Variants in PKD1L1 observed in about 807,000 individuals in gnomAD.
PKD1L1 encodes the protein polycystin-1-like protein 1.
Under a neutral mutation model 323.4 loss-of-function variants are expected in PKD1L1, and 236 were observed. The ratio of observed to expected loss-of-function variants is 0.73; its 90% CI spans 0.66 to 0.81. The LOEUF (loss-of-function observed/expected upper bound fraction) is 0.81, where lower values mean the gene tolerates loss of function less well. Ranked by LOEUF, PKD1L1 falls within the 40% of genes least tolerant of loss-of-function variation. PKD1L1 has a pLI of 0.00. For synonymous variants in PKD1L1, 1,344 were observed against 1,335.0 expected, an observed-to-expected ratio of 1.01 and a Z score of -0.15; for missense variants, 3,320 against 3,508.0, an observed-to-expected ratio of 0.95 and a Z score of 1.35.
At chr7:47,844,029 C>G (rs530811150) in intron 33 of PKD1L1, among the ~76,000 whole-genome samples, 2 of 152,076 alleles carry the variant, frequency 1.3e-5, no homozygotes, top group African/African-American at 2.4e-5. Flanking sequence ...ACTCTGAAAC[C>G]TTTCGGATTC....
chr7:47,888,691 G>C (rs1379251807), intron 16 of PKD1L1, among the ~76,000 whole-genome samples: 4 of 152,222 alleles, frequency 2.6e-5, no homozygotes, highest in Admixed American at 6.5e-5. Context: ...CCCTGTGCAG[G>C]GTTGTGGGTC....
chr7:47,861,625 G>C (rs1429569307), intron 26 of PKD1L1, among the ~76,000 whole-genome samples: 1 of 152,290 alleles, frequency 6.6e-6, no homozygotes, highest in East Asian at 1.9e-4. Context: ...GCTCACGCCT[G>C]TAATCCCAGC....
chr7:47,904,260 T>C, intron 12 of PKD1L1, 118 bp downstream of exon 12: 1 of 1,372,232 alleles, frequency 7.3e-7, no homozygotes, highest in Non-Finnish European at 1.0e-6. Flanking sequence ...TGTGTAATCA[T>C]CTGTCACCTA....
At chr7:47,938,023 C>T (rs184981654) in intron 3 of PKD1L1, among the ~76,000 whole-genome samples, 59 of 152,216 alleles carry the variant, frequency 3.9e-4, no homozygotes, top group Non-Finnish European at 7.8e-4. Flanking sequence ...GACGCCTGTC[C>T]AGAGACAACG....
intron 56 of PKD1L1, among the ~76,000 whole-genome samples, chr7:47,778,868 C>G (rs976197511): frequency 6.6e-6 from 1 of 152,206 alleles, no homozygotes; most frequent in Admixed American, 6.5e-5. Context: ...GGACTTACTT[C>G]AAATGCAAGG....
chr7:47,816,563 G>C (rs764739818), intron 46 of PKD1L1, among the ~76,000 whole-genome samples: 1 of 152,166 alleles, frequency 6.6e-6, no homozygotes. Flanking sequence ...CTGAAGAATG[G>C]AAAGGATGGG....
rs377032242 is a variant in PKD1L1 at position 47,800,780 on chromosome 7, C to T, written c.8062G>A (p.Gly2688Arg). The T allele has an allele frequency of 5.0e-5, 81 of 1,613,846 alleles. No homozygotes were observed. Among genetic ancestry groups the T allele is most frequent in the Admixed American group, 1.3e-4 (8 of 59,976 alleles). The change falls in exon 54 of 57, where the codon GGG (glycine) becomes AGG (arginine). Residue 2688 changes from glycine to arginine, a missense_variant. Gly to Arg is a moderately radical substitution (Grantham distance 125). Coordinates refer to ENST00000289672, the MANE Select transcript of PKD1L1 (RefSeq NM_138295.5). ...CTTCTGGGAAAATGAAACAGCAGCC[C>T]GGGGAAGGCGTCTGTGAAGGTGCCA... Reference protein sequence around the residue: ...PPGTFTDAFPGLLFHFPRRSQ... With the variant: ...PPGTFTDAFPRLLFHFPRRSQ...
At chr7:47,897,934 G>C in intron 14 of PKD1L1, 54 bp downstream of exon 14, 6 of 1,409,446 alleles carry the variant, frequency 4.3e-6, no homozygotes, top group Non-Finnish European at 5.7e-6. Context: ...GCTCCAGGGC[G>C]ATGAGAAGCA....
intron 26 of PKD1L1, among the ~76,000 whole-genome samples, chr7:47,864,927 C>T (rs1048036145): frequency 1.3e-5 from 2 of 151,952 alleles, no homozygotes; most frequent in African/African-American, 4.8e-5. Flanking sequence ...AGGGTTTCAC[C>T]ATGTTGGTCA....
chr7:47,880,249 TATATATATATATATAC>T (rs1786510688), intron 21 of PKD1L1, among the ~76,000 whole-genome samples: 4 of 101,654 alleles, frequency 3.9e-5, no homozygotes, highest in South Asian at 3.2e-4. Context: ...ATAAATAAGA[TATATATATATATATAC>T]ATATATATAT....
chr7:47,856,947 A>G (rs916019796), intron 28 of PKD1L1, among the ~76,000 whole-genome samples: 1 of 152,150 alleles, frequency 6.6e-6, no homozygotes, highest in African/African-American at 2.4e-5. Context: ...TGCCCTTCCA[A>G]ACTCACTCAT....
At chr7:47,897,125 CA>C (rs1301833342) in intron 14 of PKD1L1, among the ~76,000 whole-genome samples, 1 of 152,202 alleles carries the variant, frequency 6.6e-6, no homozygotes, top group Admixed American at 6.5e-5. Context: ...GCAACTCCAG[CA>C]TTTGCCATCG....
intron 7 of PKD1L1, among the ~76,000 whole-genome samples, chr7:47,922,716 AGCCGCCCCGTCCGGCC>A (rs1169006728): frequency 7.4e-6 from 1 of 135,878 alleles, no homozygotes; most frequent in Non-Finnish European, 1.5e-5. Flanking sequence ...TCCGCCCGGC[AGCCGCCCCGTCCGGCC>A]AGCCGCCCCG....
chr7:47,782,386 C>T (rs1268129141), intron 56 of PKD1L1, among the ~76,000 whole-genome samples: 1 of 152,134 alleles, frequency 6.6e-6, no homozygotes, highest in South Asian at 2.1e-4. Flanking sequence ...CTGGCAAGCA[C>T]AAATCTCTGG....
At chr7:47,890,513 T>C in intron 16 of PKD1L1, 29 bp downstream of exon 16, 1 of 1,604,424 alleles carries the variant, frequency 6.2e-7, no homozygotes, top group Non-Finnish European at 8.5e-7. Context: ...ACCGGTGAGC[T>C]GAGCTGTGCT....
rs1363305255 is a variant in PKD1L1 at position 47,835,167 on chromosome 7, G to A, written c.6020C>T (p.Ala2007Val). 3.1e-6 allele frequency: 5 copies of A among 1,596,576 alleles called. No homozygotes were observed. The highest frequency in any genetic ancestry group is 4.3e-6 in the Non-Finnish European group (5 of 1,172,928). Residue 2007 changes from alanine to valine, a missense_variant, in exon 38 of 57, where the codon GCC becomes GTC. By Grantham distance (64) the Ala-to-Val change is moderately conservative (BLOSUM62 0). Coordinates refer to ENST00000289672, the MANE Select transcript of PKD1L1 (RefSeq NM_138295.5). ...LLCTLLASPG[A>V]QLLSLLFRLS... is the part of the protein sequence containing the mutation. ...CCTGAAGAGCAGGGACAAGAGCTGG[G>A]CCCCTGGAGAAGCCAGGAGGGTACA...
chr7:47,794,851 T>C (rs1266433030), intron 55 of PKD1L1, among the ~76,000 whole-genome samples: 1 of 152,234 alleles, frequency 6.6e-6, no homozygotes, highest in African/African-American at 2.4e-5. Context: ...ATTTTGGAGC[T>C]TTAAAATTTG....
chr7:47,862,853 G>C (rs543783110), intron 26 of PKD1L1, among the ~76,000 whole-genome samples: 1 of 152,152 alleles, frequency 6.6e-6, no homozygotes, highest in African/African-American at 2.4e-5. Context: ...AAGATGTTTA[G>C]CTTCTATTCC....
intron 36 of PKD1L1, among the ~76,000 whole-genome samples, chr7:47,838,878 A>G (rs1785509998): frequency 1.9e-5 from 2 of 105,752 alleles, no homozygotes; most frequent in East Asian, 1.1e-3. Flanking sequence ...CTCCATCTCA[A>G]AAAAAAAAAA....
Sources: gnomAD v4.1 joint callset for allele counts (sites outside exome capture counted in the v4.1 genomes callset) on GRCh38, gnomAD v4.1.1 for gene constraint, MANE v1.5 for transcripts, NCBI Gene and HGNC (gene_info 2026-07-23, HGNC 2026-07-21) for gene names.